RAVER2: variants seen among roughly 807,000 people sequenced by gnomAD.
RAVER2 encodes ribonucleoprotein PTB-binding 2.
A neutral mutation model predicts 78.1 loss-of-function variants in RAVER2; 46 were observed. That is an observed-to-expected ratio of 0.59 (90% CI 0.46 to 0.75). The LOEUF is 0.75. Ranked by LOEUF, RAVER2 falls within the 30% of genes least tolerant of loss-of-function variation. The probability of loss-of-function intolerance (pLI) is 0.00; values close to 1 mark genes in which losing one functional copy is unlikely to be tolerated. For missense variants in RAVER2, 793 were observed against 837.5 expected, an observed-to-expected ratio of 0.95 and a Z score of 0.66; for synonymous variants, 311 against 313.3, an observed-to-expected ratio of 0.99 and a Z score of 0.08.
At chr1:64,787,454 C>G (rs188728860) in intron 4 of RAVER2, among the ~76,000 whole-genome samples, 2 of 152,210 alleles carry the variant, frequency 1.3e-5, no homozygotes, top group Admixed American at 6.5e-5. Context: ...TTGAGCCCAG[C>G]CCTTTTCCCA....
intron 4 of RAVER2, among the ~76,000 whole-genome samples, chr1:64,784,558 G>A (rs971636105): frequency 6.6e-6 from 1 of 151,958 alleles, no homozygotes; most frequent in Non-Finnish European, 1.5e-5. Flanking sequence ...GCCTATTAGT[G>A]ATTACTTCCA....
intron 2 of RAVER2, among the ~76,000 whole-genome samples, chr1:64,775,217 A>T (rs963989408): frequency 7.2e-5 from 11 of 152,166 alleles, no homozygotes; most frequent in Non-Finnish European, 1.6e-4. Flanking sequence ...CAATATGAAG[A>T]TATATGTGGC....
At chr1:64,827,354 T>C (rs1056529095) in intron 11 of RAVER2, among the ~76,000 whole-genome samples, 1 of 152,002 alleles carries the variant, frequency 6.6e-6, no homozygotes, top group African/African-American at 2.4e-5. Context: ...GGTGGGGATA[T>C]AGTAGGATTG....
chr1:64,808,761 C>T (rs1317309545), intron 9 of RAVER2, among the ~76,000 whole-genome samples: 1 of 152,054 alleles, frequency 6.6e-6, no homozygotes, highest in African/African-American at 2.4e-5. Context: ...TGCACCTGGC[C>T]GTCAATTCTT....
At chr1:64,763,917 T>TAC (rs58298918) in intron 1 of RAVER2, among the ~76,000 whole-genome samples, 19,288 of 133,640 alleles carry the variant, frequency 0.14, 1,699 homozygotes, top group African/African-American at 0.26. Flanking sequence ...AAAACAAAAA[T>TAC]ACACACACAC....
chr1:64,777,724 A>G, exon 3 of RAVER2: 2 of 1,614,056 alleles, frequency 1.2e-6, no homozygotes, highest in South Asian at 1.1e-5. Flanking sequence ...GCTTCAGCCA[A>G]CAGATGCTTT....
chr1:64,785,941 T>C (rs1570554177), intron 4 of RAVER2, among the ~76,000 whole-genome samples: 1 of 152,326 alleles, frequency 6.6e-6, no homozygotes, highest in East Asian at 1.9e-4. Context: ...TACTTCCTTC[T>C]AGGGCATTTT....
At chr1:64,806,855 TA>T (rs1051644015) in intron 8 of RAVER2, among the ~76,000 whole-genome samples, 1 of 151,834 alleles carries the variant, frequency 6.6e-6, no homozygotes, top group African/African-American at 2.4e-5. Flanking sequence ...TGACTGGGCA[TA>T]AAAAAAAGCA....
At chr1:64,819,009 G>A (rs1653820367) in intron 11 of RAVER2, among the ~76,000 whole-genome samples, 1 of 152,156 alleles carries the variant, frequency 6.6e-6, no homozygotes, top group African/African-American at 2.4e-5. Context: ...GTTCAGCAAA[G>A]TTAACTCCTT....
chr1:64,771,102 A>G (rs995671823), intron 2 of RAVER2, among the ~76,000 whole-genome samples: 12 of 152,058 alleles, frequency 7.9e-5, no homozygotes, highest in African/African-American at 2.7e-4. Flanking sequence ...GGAAAACTAC[A>G]GTGTACGTTG....
In RAVER2 at chr1:64,822,089, C is replaced by T. The variant is rs188499585; in HGVS notation, c.1929+7249C>T. On this transcript the variant is annotated intron_variant, in intron 11 of 11. Coordinates refer to ENST00000294428, the Ensembl canonical transcript of RAVER2. ...GATCACGAGGTCAGGAGATCGAGAC[C>T]ATCCTGGCTAACAACAGTGAGACCC... is the stretch of plus-strand genomic sequence containing the variant. Among the ~76,000 whole-genome samples, 39 of 152,270 alleles carry T rather than the reference C, an allele frequency of 2.6e-4. 1 individual carries two copies. In the East Asian group the frequency reaches 7.5e-3, roughly 29 times the overall value.
chr1:64,824,468 C>T (rs1570586261), intron 11 of RAVER2, among the ~76,000 whole-genome samples: 3 of 152,146 alleles, frequency 2.0e-5, no homozygotes, highest in East Asian at 1.9e-4. Context: ...AGATCCGAAT[C>T]GTGTGACAAA....
chr1:64,754,522 T>C (rs1296016665), intron 1 of RAVER2, among the ~76,000 whole-genome samples: 1 of 152,228 alleles, frequency 6.6e-6, no homozygotes, highest in Non-Finnish European at 1.5e-5. Flanking sequence ...AATTTTGCAA[T>C]GTACCACTCT....
intron 1 of RAVER2, among the ~76,000 whole-genome samples, chr1:64,753,492 C>T (rs1487000694): frequency 1.3e-5 from 2 of 151,170 alleles, no homozygotes; most frequent in Non-Finnish European, 2.9e-5. Flanking sequence ...AGTCTTGATC[C>T]AACGTCTACC....
chr1:64,822,338 TAAAG>T (rs1402892776), intron 11 of RAVER2, among the ~76,000 whole-genome samples: 1 of 152,068 alleles, frequency 6.6e-6, no homozygotes, highest in Non-Finnish European at 1.5e-5. Context: ...AGAATATCAA[TAAAG>T]AGAGAGAAAT....
chr1:64,761,917 C>T (rs1020789077), intron 1 of RAVER2, among the ~76,000 whole-genome samples: 16 of 151,458 alleles, frequency 1.1e-4, no homozygotes, highest in Non-Finnish European at 1.6e-4. Flanking sequence ...TGAGACCAGC[C>T]TGGGCAACAT....
intron 1 of RAVER2, among the ~76,000 whole-genome samples, chr1:64,753,523 CTT>C (rs59448781): frequency 0.11 from 11,338 of 100,852 alleles, 297 homozygotes; most frequent in East Asian, 0.27. Flanking sequence ...GTATAGAATT[CTT>C]TTTTTTTTTT....
chr1:64,830,249 T>C (rs1244346905), intron 11 of RAVER2, among the ~76,000 whole-genome samples: 5 of 152,212 alleles, frequency 3.3e-5, no homozygotes, highest in Non-Finnish European at 7.3e-5. Context: ...CACTTTCAGG[T>C]CAGAATCTCT....
rs764963855 is a variant in RAVER2, at chr1:64,812,852, A to G, written c.1792+3A>G. The G allele has an allele frequency of 8.9e-6, 14 of 1,569,344 alleles. No individual in the cohort carries two copies. Among genetic ancestry groups the G allele is most frequent in the Non-Finnish European group, 1.2e-5 (14 of 1,150,634 alleles). On this transcript the variant is annotated splice_donor_region_variant and intron_variant, in intron 10 of 11. Coordinates refer to ENST00000294428, the Ensembl canonical transcript of RAVER2. ...GTTGCCCAGTGTGTGCTTATCATGTAAGTAGGGGCTCAGTATTCTTGTTGT... is the reference window on the plus strand; with the variant it reads ...GTTGCCCAGTGTGTGCTTATCATGTGAGTAGGGGCTCAGTATTCTTGTTGT...
Sources: gnomAD v4.1 joint callset for allele counts (sites outside exome capture counted in the v4.1 genomes callset) on GRCh38, gnomAD v4.1.1 for gene constraint, MANE v1.5 for transcripts, NCBI Gene and HGNC (gene_info 2026-07-23, HGNC 2026-07-21) for gene names.